The following TRPC6 variants were observed in gnomAD, a reference collection of about 807,000 sequenced individuals.
TRPC6 encodes transient receptor potential cation channel subfamily C member 6, also known as short transient receptor potential channel 6.
Under a neutral mutation model 90.7 loss-of-function variants are expected in TRPC6, and 55 were observed. The ratio of observed to expected loss-of-function variants is 0.61; its 90% CI spans 0.49 to 0.76. The LOEUF is 0.76. Ranked by LOEUF, TRPC6 falls within the 30% of genes least tolerant of loss-of-function variation. The pLI, the probability that TRPC6 is intolerant of heterozygous loss-of-function variation, is 0.00. For missense variants in TRPC6, 989 were observed against 1,122.7 expected (o/e 0.88, Z 1.70); for synonymous variants, 393 against 393.0 (o/e 1.00, Z 0.00).
At chr11:101,515,699 A>G (rs1027237351) in intron 1 of TRPC6, among the ~76,000 whole-genome samples, 2 of 152,242 alleles carry the variant, frequency 1.3e-5, no homozygotes, top group Admixed American at 6.5e-5. Context: ...CTTGTCATAA[A>G]GTGAAATGTA....
At chr11:101,458,609 T>A (rs1858937449) in intron 10 of TRPC6, among the ~76,000 whole-genome samples, 1 of 152,212 alleles carries the variant, frequency 6.6e-6, no homozygotes, top group Admixed American at 6.5e-5. Flanking sequence ...AGTTAAAGGA[T>A]ATGACTGAAG....
At chr11:101,514,782 T>C (rs1347894638) in intron 1 of TRPC6, among the ~76,000 whole-genome samples, 1 of 152,218 alleles carries the variant, frequency 6.6e-6, no homozygotes, top group Non-Finnish European at 1.5e-5. Context: ...GGTTTTGTTC[T>C]GAAGGGTTTG....
At chr11:101,527,845 G>A (rs1860815156) in intron 1 of TRPC6, among the ~76,000 whole-genome samples, 1 of 152,002 alleles carries the variant, frequency 6.6e-6, no homozygotes, top group Non-Finnish European at 1.5e-5. Flanking sequence ...AGGCCAAGGT[G>A]GGCGAATCAT....
chr11:101,557,611 A>G (rs918266050), intron 1 of TRPC6, among the ~76,000 whole-genome samples: 38 of 133,004 alleles, frequency 2.9e-4, no homozygotes, highest in African/African-American at 1.0e-3. Context: ...AGAAAACTCT[A>G]CTAATTCCAC....
chr11:101,540,739 G>A (rs1861148639), intron 1 of TRPC6, among the ~76,000 whole-genome samples: 1 of 152,144 alleles, frequency 6.6e-6, no homozygotes, highest in South Asian at 2.1e-4. Flanking sequence ...ATTTGAGTAT[G>A]AACTCTAAAG....
chr11:101,522,328 T>C (rs1860681331), intron 1 of TRPC6, among the ~76,000 whole-genome samples: 1 of 152,192 alleles, frequency 6.6e-6, no homozygotes, highest in Non-Finnish European at 1.5e-5. Context: ...CTCTTCCTCC[T>C]TCTCTGGTCA....
chr11:101,482,929 G>C lies in TRPC6; in HGVS notation c.1510+20C>G. ...TGCTAAGACTGCAAACAGAAAACAT[G>C]ACAGAAAATCAGTCTTTACCTATTA... On this transcript the variant is annotated intron_variant, in intron 5 of 12. Coordinates refer to ENST00000344327, the MANE Select transcript of TRPC6 (RefSeq NM_004621.6). 1 of 1,612,044 alleles carries C rather than the reference G, an allele frequency of 6.2e-7. No homozygotes were observed. The highest frequency in any genetic ancestry group is 8.5e-7 in the Non-Finnish European group (1 of 1,178,414).
chr11:101,491,796 T>G, intron 2 of TRPC6, 58 bp from the exon 3 acceptor site: 2 of 1,456,326 alleles, frequency 1.4e-6, no homozygotes. Context: ...TTTACTATGC[T>G]TCAGAGACTT....
chr11:101,507,004 CTA>C (rs1860284500), intron 1 of TRPC6, among the ~76,000 whole-genome samples: 3 of 121,962 alleles, frequency 2.5e-5, no homozygotes, highest in Non-Finnish European at 5.0e-5. Flanking sequence ...CTCTCTCTCT[CTA>C]ACACACACAC....
chr11:101,505,928 A>G (rs1265802421), intron 1 of TRPC6, among the ~76,000 whole-genome samples: 4 of 151,080 alleles, frequency 2.6e-5, no homozygotes, highest in African/African-American at 7.3e-5. Flanking sequence ...TAGAGTATCA[A>G]TTGAACCCAG....
At chr11:101,459,914 C>A (rs1858966854) in intron 10 of TRPC6, among the ~76,000 whole-genome samples, 1 of 152,108 alleles carries the variant, frequency 6.6e-6, no homozygotes, top group South Asian at 2.1e-4. Context: ...CCAATTTAAT[C>A]TTTCCAATAT....
chr11:101,499,819 G>GTA (rs1359873730), intron 2 of TRPC6, among the ~76,000 whole-genome samples: 1 of 60,752 alleles, frequency 1.6e-5, no homozygotes, highest in East Asian at 3.2e-4. Context: ...TATAAAATGT[G>GTA]TATATATATA....
intron 1 of TRPC6, among the ~76,000 whole-genome samples, chr11:101,550,809 G>T (rs1346714034): frequency 6.6e-6 from 1 of 151,494 alleles, no homozygotes; most frequent in African/African-American, 2.4e-5. Context: ...TTGAAATATT[G>T]CATATTTATA....
intron 1 of TRPC6, among the ~76,000 whole-genome samples, chr11:101,518,083 A>G (rs1860563215): frequency 2.0e-5 from 3 of 152,230 alleles, no homozygotes; most frequent in African/African-American, 7.2e-5. Context: ...ATACTGGTAT[A>G]TCTGCTCATG....
In TRPC6 at chr11:101,488,717, G is replaced by A. The variant is rs148551309; in HGVS notation, c.1293+220C>T. Among the ~76,000 whole-genome samples, 1,468 of 151,778 alleles carry A rather than the reference G, an allele frequency of 9.7e-3. 58 individuals are homozygous for A. The highest frequency in any genetic ancestry group is 0.074 in the Admixed American group (1,125 of 15,224). ...ATTACAGGTGAATTTTATCTTTTCC[G>A]TTTTTTTTGTTTCCTATAGCAAACA... On this transcript the variant is annotated intron_variant, in intron 4 of 12. Coordinates refer to ENST00000344327, the MANE Select transcript of TRPC6 (RefSeq NM_004621.6).
chr11:101,535,122 C>T (rs1297984932), intron 1 of TRPC6, among the ~76,000 whole-genome samples: 1 of 149,946 alleles, frequency 6.7e-6, no homozygotes, highest in African/African-American at 2.5e-5. Flanking sequence ...GCCAAGGTCA[C>T]ACCACTGTAC....
chr11:101,555,981 T>C (rs1272966151), intron 1 of TRPC6, among the ~76,000 whole-genome samples: 3 of 152,042 alleles, frequency 2.0e-5, no homozygotes, highest in African/African-American at 7.2e-5. Flanking sequence ...AATGGGTGAA[T>C]GGAAGATTAA....
At chr11:101,536,376 G>A (rs1167207343) in intron 1 of TRPC6, among the ~76,000 whole-genome samples, 1 of 151,452 alleles carries the variant, frequency 6.6e-6, no homozygotes, top group Non-Finnish European at 1.5e-5. Flanking sequence ...AACAGAGCAA[G>A]ACTCGATCCC....
chr11:101,458,533 G>A (rs1015733659), intron 10 of TRPC6, among the ~76,000 whole-genome samples: 4 of 152,152 alleles, frequency 2.6e-5, no homozygotes, highest in African/African-American at 7.2e-5. Flanking sequence ...TTTAATTTAT[G>A]CTATCCTTTC....
Sources: allele counts gnomAD v4.1 joint callset (sites outside exome capture counted in the v4.1 genomes callset), GRCh38; gene constraint gnomAD v4.1.1; transcripts MANE v1.5; gene names NCBI Gene and HGNC (gene_info 2026-07-23, HGNC 2026-07-21).